ARHGAP32: variants seen among roughly 807,000 people sequenced by gnomAD.
The protein encoded by ARHGAP32 is Rho GTPase activating protein 32, also known as rho GTPase-activating protein 32.
In ARHGAP32, 51 loss-of-function variants were observed where a neutral mutation model predicts 186.5. The observed-to-expected ratio is 0.27, with a 90% CI of 0.22 to 0.35. ARHGAP32 has a LOEUF of 0.35. Among genes scored for constraint, ARHGAP32 ranks in the 10% least tolerant of loss-of-function variants. The probability of loss-of-function intolerance (pLI) is 1.00; values close to 1 mark genes in which losing one functional copy is unlikely to be tolerated. For synonymous variants in ARHGAP32, 950 were observed against 964.3 expected, an observed-to-expected ratio of 0.99 and a Z score of 0.27; for missense variants, 2,186 against 2,623.5, an observed-to-expected ratio of 0.83 and a Z score of 3.64.
At chr11:129,221,479 CTG>C (rs537808170) in intron 1 of ARHGAP32, among the ~76,000 whole-genome samples, 11,837 of 120,710 alleles carry the variant, frequency 0.098, 454 homozygotes, top group South Asian at 0.12. Flanking sequence ...ATTGTCATTA[CTG>C]TGTGTGTGTG....
At chr11:129,025,950 G>A (rs1009657916) in intron 11 of ARHGAP32, among the ~76,000 whole-genome samples, 2 of 150,382 alleles carry the variant, frequency 1.3e-5, no homozygotes, top group Non-Finnish European at 3.0e-5. Flanking sequence ...AGTAATATAT[G>A]TTATATATTA....
Position 128,972,865 on chromosome 11 carries a change from T to C in ARHGAP32, c.3641A>G (p.Gln1214Arg). Residue 1214 changes from glutamine (Q) to arginine (R), a missense_variant, in exon 22 of 23, where the codon CAG (glutamine) becomes CGG (arginine). Gln to Arg is a conservative substitution (Grantham distance 43, BLOSUM62 1). This residue lies in a region of ARHGAP32 where 1,502 missense variants were observed against 1,570.0 expected (regional missense o/e 0.96). Coordinates refer to ENST00000682385, the MANE Select transcript of ARHGAP32 (RefSeq NM_001378024.1). The part of the protein sequence containing the change: ...NSMPTVSFLD[Q>R]DQSPPRFYSG... ...GTAGAAACGGGGTGGAGACTGGTCC[T>C]GATCCAAGAAGGAGACAGTTGGCAT... The C allele has an allele frequency of 1.2e-6, 2 of 1,614,034 alleles. No individual in the cohort carries two copies. The highest frequency in any genetic ancestry group is 1.6e-4 in the Middle Eastern group (1 of 6,062).
chr11:129,059,412 T>C (rs1454714592), intron 10 of ARHGAP32, among the ~76,000 whole-genome samples: 1 of 152,038 alleles, frequency 6.6e-6, no homozygotes, highest in Non-Finnish European at 1.5e-5. Flanking sequence ...CAATTAACCA[T>C]GAGTGCTCTT....
chr11:129,093,792 C>A (rs1410979369), intron 5 of ARHGAP32, 85 bp from the exon 6 acceptor site: 4 of 906,550 alleles, frequency 4.4e-6, no homozygotes. Flanking sequence ...ATACCTGGAG[C>A]ATCATCTCCG....
At chr11:129,115,860 G>A (rs1942352995) in intron 5 of ARHGAP32, among the ~76,000 whole-genome samples, 1 of 152,068 alleles carries the variant, frequency 6.6e-6, no homozygotes, top group African/African-American at 2.4e-5. Flanking sequence ...ACATTTCAGA[G>A]CAAAGGTCTC....
intron 6 of ARHGAP32, among the ~76,000 whole-genome samples, chr11:129,088,398 G>C (rs1405045679): frequency 6.6e-6 from 1 of 152,026 alleles, no homozygotes; most frequent in Admixed American, 6.6e-5. Context: ...TGGCCAACAT[G>C]GTGAAACCCC....
intron 11 of ARHGAP32, among the ~76,000 whole-genome samples, chr11:129,026,511 T>A (rs544892750): frequency 6.6e-6 from 1 of 152,100 alleles, no homozygotes; most frequent in South Asian, 2.1e-4. Context: ...ACTACTTGAG[T>A]GGGGCTGGGC....
intron 1 of ARHGAP32, among the ~76,000 whole-genome samples, chr11:129,173,571 T>G (rs929974429): frequency 7.2e-5 from 11 of 152,038 alleles, no homozygotes; most frequent in African/African-American, 2.4e-4. Context: ...AAATCCTCAA[T>G]AAAATACTGG....
At chr11:129,271,851 G>A (rs1365142662) in intron 1 of ARHGAP32, among the ~76,000 whole-genome samples, 1 of 152,076 alleles carries the variant, frequency 6.6e-6, no homozygotes, top group Non-Finnish European at 1.5e-5. Context: ...CAAGATCCAG[G>A]TCACTGCAGT....
intron 1 of ARHGAP32, among the ~76,000 whole-genome samples, chr11:129,278,828 GC>G (rs1945569566): frequency 6.6e-6 from 1 of 151,284 alleles, no homozygotes; most frequent in South Asian, 2.1e-4. Flanking sequence ...AGTCGCGGCT[GC>G]CGCCCGCCTT....
chr11:129,114,092 A>G (rs1942299523), intron 5 of ARHGAP32, among the ~76,000 whole-genome samples: 1 of 152,090 alleles, frequency 6.6e-6, no homozygotes, highest in South Asian at 2.1e-4. Context: ...GATAATTACA[A>G]CAGTATTTCA....
Position 128,974,221 on chromosome 11 carries a change from G to C in ARHGAP32, c.2976C>G (p.Asp992Glu). The change falls in exon 21 of 23, where the codon GAC becomes GAG. Residue 992 changes from aspartate (D) to glutamate (E), a missense_variant. Transcript: ENST00000682385. The stretch of plus-strand genomic sequence containing the variant: ...ATTCTACTTCTTCAGCAGCCACCTG[G>C]TCCAGGGGCTGGACTTCAGATTCAT... ...EAYESEVQPLDQVAAEEVELP... is the reference protein window; with the variant it reads ...EAYESEVQPLEQVAAEEVELP... The C allele has an allele frequency of 6.2e-7, 1 of 1,614,172 alleles. No homozygotes were observed. The highest frequency in any genetic ancestry group is 1.1e-5 in the South Asian group (1 of 91,080).
chr11:129,086,799 C>G (rs536928692), intron 6 of ARHGAP32, among the ~76,000 whole-genome samples: 4 of 135,692 alleles, frequency 2.9e-5, no homozygotes, highest in South Asian at 2.3e-4. Flanking sequence ...CCAGCCTGGG[C>G]GACAGAGTGA....
intron 1 of ARHGAP32, among the ~76,000 whole-genome samples, chr11:129,245,543 T>G (rs1458186132): frequency 2.0e-5 from 3 of 150,548 alleles, no homozygotes; most frequent in Non-Finnish European, 4.4e-5. Flanking sequence ...GGCACATGTA[T>G]ACATATGTAA....
At chr11:129,108,870 G>T (rs939764561) in intron 5 of ARHGAP32, among the ~76,000 whole-genome samples, 7 of 152,090 alleles carry the variant, frequency 4.6e-5, no homozygotes, top group Admixed American at 4.6e-4. Context: ...CCAAATCAGG[G>T]TATTTGGGGT....
chr11:129,093,355 T>C (rs1009285691), intron 6 of ARHGAP32, among the ~76,000 whole-genome samples: 1 of 152,104 alleles, frequency 6.6e-6, no homozygotes, highest in Non-Finnish European at 1.5e-5. Flanking sequence ...AGGAACTTTC[T>C]AAAAGTGCAA....
intron 2 of ARHGAP32, among the ~76,000 whole-genome samples, chr11:129,155,560 C>T (rs1360759165): frequency 6.6e-6 from 1 of 152,170 alleles, no homozygotes; most frequent in Non-Finnish European, 1.5e-5. Flanking sequence ...CATCACCACA[C>T]AGAATTTCTT....
At chr11:129,038,611 A>C (rs1174590639) in intron 11 of ARHGAP32, among the ~76,000 whole-genome samples, 1 of 151,984 alleles carries the variant, frequency 6.6e-6, no homozygotes, top group Non-Finnish European at 1.5e-5. Flanking sequence ...ACTAAAAAAA[A>C]CACAAATAAC....
At chr11:128,989,535 C>T (rs913905505) in intron 12 of ARHGAP32, among the ~76,000 whole-genome samples, 2 of 151,324 alleles carry the variant, frequency 1.3e-5, no homozygotes, top group African/African-American at 4.9e-5. Context: ...CACACACACA[C>T]ACACACACAC....
Sources: allele counts gnomAD v4.1 joint callset (sites outside exome capture counted in the v4.1 genomes callset), GRCh38; gene constraint gnomAD v4.1.1; regional missense constraint gnomAD v4.1.1; transcripts MANE v1.5; gene names NCBI Gene and HGNC (gene_info 2026-07-23, HGNC 2026-07-21).